The following ADGRL3 variants were observed in gnomAD, a reference collection of about 807,000 sequenced individuals.
The protein encoded by ADGRL3 is adhesion G protein-coupled receptor L3, also known as calcium-independent alpha-latrotoxin receptor 3.
ADGRL3 carries 62 observed loss-of-function variants against 153.5 expected under a neutral mutation model. The ratio of observed to expected loss-of-function variants is 0.40; its 90% confidence interval spans 0.33 to 0.50. The LOEUF (loss-of-function observed/expected upper bound fraction) is 0.50, where lower values mean the gene tolerates loss of function less well. Among genes scored for constraint, ADGRL3 ranks in the 20% least tolerant of loss-of-function variants. The pLI, the probability that ADGRL3 is intolerant of heterozygous loss-of-function variation, is 0.47. For missense variants in ADGRL3, 1,641 were observed against 1,859.4 expected (o/e 0.88, Z 2.16); for synonymous variants, 710 against 672.5 (o/e 1.06, Z -0.86).
intron 9 of ADGRL3, among the ~76,000 whole-genome samples, chr4:61,880,829 G>A (rs2098504362): frequency 6.6e-6 from 1 of 151,920 alleles, no homozygotes; most frequent in Non-Finnish European, 1.5e-5. Context: ...TAAATTACTT[G>A]AAAAAAATGA....
intron 9 of ADGRL3, among the ~76,000 whole-genome samples, chr4:61,840,507 A>G (rs182966554): frequency 6.6e-6 from 1 of 152,000 alleles, no homozygotes; most frequent in Admixed American, 6.5e-5. Context: ...TTTTGAGTCT[A>G]AGCCTGAGAG....
At chr4:61,862,000 A>C (rs2098345186) in intron 9 of ADGRL3, among the ~76,000 whole-genome samples, 1 of 152,308 alleles carries the variant, frequency 6.6e-6, no homozygotes, top group Admixed American at 6.5e-5. Context: ...TAGAAGCTAC[A>C]CAGCCTTTTT....
chr4:61,704,656 C>T (rs966480751), intron 6 of ADGRL3, among the ~76,000 whole-genome samples: 1 of 152,194 alleles, frequency 6.6e-6, no homozygotes, highest in African/African-American at 2.4e-5. Context: ...AAGAATTCCT[C>T]TGTATCATGA....
chr4:61,791,595 C>G (rs1301038220), intron 8 of ADGRL3, among the ~76,000 whole-genome samples: 2 of 152,194 alleles, frequency 1.3e-5, no homozygotes, highest in Non-Finnish European at 2.9e-5. Flanking sequence ...AGGACAGAGG[C>G]CCTCTTCTCA....
At chr4:61,835,532 C>G (rs139732256) in intron 9 of ADGRL3, among the ~76,000 whole-genome samples, 3 of 151,920 alleles carry the variant, frequency 2.0e-5, no homozygotes, top group Non-Finnish European at 4.4e-5. Flanking sequence ...AAAATAAATC[C>G]TTTTAAACTT....
intron 17 of ADGRL3, among the ~76,000 whole-genome samples, chr4:61,961,726 A>G (rs942370877): frequency 2.0e-5 from 3 of 152,178 alleles, no homozygotes; most frequent in African/African-American, 4.8e-5. Context: ...CTATTTGAGG[A>G]GGGGAATTGA....
chr4:61,678,113 T>G (rs1232163207), intron 6 of ADGRL3, among the ~76,000 whole-genome samples: 1 of 151,964 alleles, frequency 6.6e-6, no homozygotes, highest in Admixed American at 6.6e-5. Context: ...CTATAGGCCC[T>G]TCTATGAAAA....
intron 9 of ADGRL3, among the ~76,000 whole-genome samples, chr4:61,850,818 A>G (rs2098193214): frequency 6.6e-6 from 1 of 152,226 alleles, no homozygotes; most frequent in South Asian, 2.1e-4. Flanking sequence ...CTATTTATAT[A>G]GTATCATCTG....
intron 13 of ADGRL3, among the ~76,000 whole-genome samples, chr4:61,922,575 A>C (rs747815842): frequency 4.1e-4 from 62 of 152,324 alleles, no homozygotes; most frequent in Non-Finnish European, 6.6e-4. Flanking sequence ...TATTACATTT[A>C]ATTAGCTCTG....
chr4:61,632,118 T>A (rs2093204173), intron 5 of ADGRL3, among the ~76,000 whole-genome samples: 1 of 152,212 alleles, frequency 6.6e-6, no homozygotes, highest in African/African-American at 2.4e-5. Context: ...TTAATTTTGA[T>A]CATTGCTTTC....
chr4:61,756,226 C>T (rs1248136689), intron 8 of ADGRL3, among the ~76,000 whole-genome samples: 11 of 152,154 alleles, frequency 7.2e-5, no homozygotes, highest in South Asian at 6.2e-4. Context: ...GCCATTTTCA[C>T]AATATTGATT....
chr4:61,275,046 C>T (rs976947852), intron 1 of ADGRL3, among the ~76,000 whole-genome samples: 4 of 152,114 alleles, frequency 2.6e-5, no homozygotes, highest in East Asian at 1.9e-4. Flanking sequence ...GTTCACTGTT[C>T]GTTCTGTAAA....
In ADGRL3 at chr4:61,676,818, G is replaced by T; in HGVS notation, c.474-8G>T. 2 of 1,594,666 alleles carry T rather than the reference G, an allele frequency of 1.3e-6. No homozygotes were observed. The highest frequency in any genetic ancestry group is 2.2e-5 in the South Asian group (2 of 90,580). ...CTTACTACTTCTTTTCCTTTCTTTT[G>T]ACTTCAGATGCAATAACAGAACCCA... On this transcript the variant is annotated splice_polypyrimidine_tract_variant and splice_region_variant and intron_variant, in intron 5 of 26. Transcript: ENST00000683033.
intron 6 of ADGRL3, among the ~76,000 whole-genome samples, chr4:61,682,108 A>G (rs10866125): frequency 0.77 from 116,609 of 151,920 alleles, 45,694 homozygotes; most frequent in East Asian, 0.97. Flanking sequence ...AAAAATATAC[A>G]TTATATAAAT....
At chr4:61,871,910 T>TA (rs1300906289) in intron 9 of ADGRL3, among the ~76,000 whole-genome samples, 1 of 152,216 alleles carries the variant, frequency 6.6e-6, no homozygotes, top group Non-Finnish European at 1.5e-5. Context: ...CTTCAAATGT[T>TA]ACCTTTCAGT....
intron 9 of ADGRL3, among the ~76,000 whole-genome samples, chr4:61,839,306 T>A (rs982688548): frequency 2.0e-5 from 3 of 152,084 alleles, no homozygotes; most frequent in Admixed American, 2.0e-4. Flanking sequence ...TCCTCTCACC[T>A]CAGCCTCCTG....
At chr4:61,691,464 A>G (rs1168634666) in intron 6 of ADGRL3, among the ~76,000 whole-genome samples, 1 of 152,136 alleles carries the variant, frequency 6.6e-6, no homozygotes, top group African/African-American at 2.4e-5. Flanking sequence ...TATTGGAGTT[A>G]AAGAGTCCCA....
At chr4:61,231,062 T>G (rs2149181271) in intron 1 of ADGRL3, among the ~76,000 whole-genome samples, 1 of 152,216 alleles carries the variant, frequency 6.6e-6, no homozygotes, top group Middle Eastern at 3.4e-3. Context: ...ACTAATGAAT[T>G]ATTGTGTTAG....
intron 1 of ADGRL3, among the ~76,000 whole-genome samples, chr4:61,240,629 T>A (rs1417712390): frequency 6.6e-6 from 1 of 152,106 alleles, no homozygotes; most frequent in Non-Finnish European, 1.5e-5. Context: ...ATTAACTCGA[T>A]TTTTTTAAAC....
Sources: allele counts gnomAD v4.1 joint callset (sites outside exome capture counted in the v4.1 genomes callset), GRCh38; gene constraint gnomAD v4.1.1; transcripts MANE v1.5; gene names NCBI Gene and HGNC (gene_info 2026-07-23, HGNC 2026-07-21).